Variants in GRM8 observed in about 807,000 individuals in gnomAD.
GRM8 encodes the protein glutamate metabotropic receptor 8.
Under a neutral mutation model 87.2 loss-of-function variants are expected in GRM8, and 47 were observed. The ratio of observed to expected loss-of-function variants is 0.54; its 90% CI spans 0.43 to 0.69. GRM8 has a LOEUF of 0.69. GRM8 is among the 30% of genes least tolerant of loss of function. GRM8 has a pLI of 0.00. For synonymous variants in GRM8, 396 were observed against 404.5 expected, an observed-to-expected ratio of 0.98 and a Z score of 0.25; for missense variants, 1,019 against 1,139.2, an observed-to-expected ratio of 0.89 and a Z score of 1.52.
At chr7:126,702,051 T>C (rs1053839152) in intron 7 of GRM8, among the ~76,000 whole-genome samples, 3 of 152,182 alleles carry the variant, frequency 2.0e-5, no homozygotes, top group South Asian at 2.1e-4. Flanking sequence ...TTAGTGAATA[T>C]AGAAATAATA....
intron 9 of GRM8, among the ~76,000 whole-genome samples, chr7:126,517,813 T>A (rs1812397565): frequency 6.6e-6 from 1 of 152,060 alleles, no homozygotes; most frequent in South Asian, 2.1e-4. Context: ...AGGGAAATAA[T>A]TATTTTAGAT....
intron 3 of GRM8, among the ~76,000 whole-genome samples, chr7:126,984,804 C>T (rs953167544): frequency 3.3e-5 from 5 of 152,010 alleles, no homozygotes; most frequent in African/African-American, 4.8e-5. Context: ...GAAGTTATTG[C>T]CTTGAAAAGA....
chr7:126,996,703 T>A (rs947410212), intron 3 of GRM8, among the ~76,000 whole-genome samples: 12 of 152,134 alleles, frequency 7.9e-5, no homozygotes, highest in African/African-American at 2.9e-4. Context: ...GACAACATTG[T>A]TATACAATGG....
intron 7 of GRM8, among the ~76,000 whole-genome samples, chr7:126,740,020 T>A (rs1303341257): frequency 6.6e-6 from 1 of 152,088 alleles, no homozygotes; most frequent in East Asian, 1.9e-4. Context: ...TAAGAACACA[T>A]TTCTCAGAAC....
intron 6 of GRM8, among the ~76,000 whole-genome samples, chr7:126,850,195 C>T (rs1270958116): frequency 6.6e-6 from 1 of 152,114 alleles, no homozygotes; most frequent in East Asian, 1.9e-4. Flanking sequence ...CTTATTTGAC[C>T]GCTCTAAAGC....
At chr7:127,015,055 GAAGAAGAAGAAGA>G (rs1457407352) in intron 3 of GRM8, among the ~76,000 whole-genome samples, 105 of 113,230 alleles carry the variant, frequency 9.3e-4, no homozygotes, top group African/African-American at 3.0e-3. Flanking sequence ...AGAAGAAGAA[GAAGAAGAAGAAGA>G]AAGAAAGAAG....
chr7:126,689,506 CA>C (rs1369074821), intron 7 of GRM8, among the ~76,000 whole-genome samples: 1 of 152,140 alleles, frequency 6.6e-6, no homozygotes, highest in Non-Finnish European at 1.5e-5. Context: ...CTCAATTTCT[CA>C]ACTGAATGAT....
intron 3 of GRM8, chr7:127,058,183 TATC>T (rs1563461946): frequency 1.9e-6 from 1 of 515,720 alleles, no homozygotes; most frequent in South Asian, 1.5e-5. Context: ...CATGGCATAA[TATC>T]ATCAAATTAA....
At chr7:127,243,989 G>C (rs1433348247) in intron 1 of GRM8, among the ~76,000 whole-genome samples, 1 of 151,138 alleles carries the variant, frequency 6.6e-6, no homozygotes, top group Non-Finnish European at 1.5e-5. Context: ...TACCCAGTAG[G>C]AAAAAGTGAT....
At chr7:127,094,986 A>G (rs1563501810) in intron 3 of GRM8, among the ~76,000 whole-genome samples, 1 of 152,202 alleles carries the variant, frequency 6.6e-6, no homozygotes, top group Non-Finnish European at 1.5e-5. Flanking sequence ...GCCCCATACA[A>G]TAGCCAGGAT....
At chr7:126,595,102 C>T (rs1797034719) in intron 8 of GRM8, among the ~76,000 whole-genome samples, 1 of 152,028 alleles carries the variant, frequency 6.6e-6, no homozygotes, top group Non-Finnish European at 1.5e-5. Flanking sequence ...AATCCAAAGG[C>T]TTACATACTG....
At chr7:126,587,378 G>A (rs369602522) in intron 8 of GRM8, among the ~76,000 whole-genome samples, 8,706 of 152,180 alleles carry the variant, frequency 0.057, 543 homozygotes, top group East Asian at 0.31. Flanking sequence ...ACATGCACAC[G>A]TATGTTTATT....
At chr7:126,873,076 C>A (rs1799237669) in intron 6 of GRM8, among the ~76,000 whole-genome samples, 1 of 152,084 alleles carries the variant, frequency 6.6e-6, no homozygotes, top group Non-Finnish European at 1.5e-5. Context: ...CGCATACATA[C>A]ACACACATAC....
At chr7:126,881,465 G>A (rs1207936220) in intron 6 of GRM8, among the ~76,000 whole-genome samples, 1 of 152,142 alleles carries the variant, frequency 6.6e-6, no homozygotes, top group Non-Finnish European at 1.5e-5. Context: ...TATCCTGCTA[G>A]AGCCTTCCAT....
intron 6 of GRM8, among the ~76,000 whole-genome samples, chr7:126,902,340 G>T (rs1020251962): frequency 6.6e-6 from 1 of 152,144 alleles, no homozygotes; most frequent in Non-Finnish European, 1.5e-5. Flanking sequence ...ATAAAAACTT[G>T]CTGATCCATT....
At chr7:126,881,125 G>C (rs1799983237) in intron 6 of GRM8, among the ~76,000 whole-genome samples, 1 of 150,168 alleles carries the variant, frequency 6.7e-6, no homozygotes, top group Admixed American at 6.7e-5. Context: ...CAGGGTCCCA[G>C]AAAAAAAAAT....
chr7:126,502,078 GAAGAACCTGTCATTATAAGGCT>G (rs1444706783), intron 9 of GRM8, among the ~76,000 whole-genome samples: 1 of 152,006 alleles, frequency 6.6e-6, no homozygotes, highest in Non-Finnish European at 1.5e-5. Context: ...TCCTAATGGA[GAAGAACCTGTCATTATAAGGCT>G]AAGTGAGGTT....
At chr7:127,166,139 C>T (rs1169154865) in intron 2 of GRM8, among the ~76,000 whole-genome samples, 1 of 152,164 alleles carries the variant, frequency 6.6e-6, no homozygotes, top group Non-Finnish European at 1.5e-5. Context: ...TTAAAACACA[C>T]ACCCACCTCT....
chr7:127,127,184 T>G (rs1441365211), intron 2 of GRM8, among the ~76,000 whole-genome samples: 4 of 151,908 alleles, frequency 2.6e-5, no homozygotes, highest in South Asian at 2.1e-4. Context: ...CTTATGTGTG[T>G]GGGGGGTATA....
Sources: gnomAD v4.1 joint callset for allele counts (sites outside exome capture counted in the v4.1 genomes callset) on GRCh38, gnomAD v4.1.1 for gene constraint, MANE v1.5 for transcripts, NCBI Gene and HGNC (gene_info 2026-07-23, HGNC 2026-07-21) for gene names.